FRMD5: variants seen among roughly 807,000 people sequenced by gnomAD.
FRMD5 encodes the protein FERM domain-containing protein 5.
A neutral mutation model predicts 69.0 loss-of-function variants in FRMD5; 20 were observed. That is an observed-to-expected ratio of 0.29 (90% CI 0.20 to 0.42). The LOEUF (loss-of-function observed/expected upper bound fraction) is 0.42. Among genes scored for constraint, FRMD5 ranks in the 10% least tolerant of loss-of-function variants. The pLI, the probability that FRMD5 is intolerant of heterozygous loss-of-function variation, is 1.00. For missense variants in FRMD5, 595 were observed against 708.6 expected, an observed-to-expected ratio of 0.84 and a Z score of 1.82; for synonymous variants, 271 against 260.1, an observed-to-expected ratio of 1.04 and a Z score of -0.40.
intron 1 of FRMD5, among the ~76,000 whole-genome samples, chr15:44,002,832 A>G (rs1489340949): frequency 6.6e-6 from 1 of 152,146 alleles, no homozygotes; most frequent in Non-Finnish European, 1.5e-5. Flanking sequence ...CTGGAGGCAG[A>G]AACTGGGCAT....
intron 1 of FRMD5, among the ~76,000 whole-genome samples, chr15:44,144,577 T>A (rs2077327174): frequency 6.6e-6 from 1 of 152,184 alleles, no homozygotes; most frequent in African/African-American, 2.4e-5. Flanking sequence ...ATACACAACT[T>A]CTCTTTCCAG....
chr15:44,154,452 T>C (rs937192685), intron 1 of FRMD5, among the ~76,000 whole-genome samples: 3 of 152,224 alleles, frequency 2.0e-5, no homozygotes, highest in African/African-American at 4.8e-5. Context: ...TACTTGGTTA[T>C]TGAGGGCACC....
At chr15:43,968,665 G>A (rs941640945) in intron 1 of FRMD5, among the ~76,000 whole-genome samples, 6 of 152,098 alleles carry the variant, frequency 3.9e-5, no homozygotes, top group African/African-American at 9.7e-5. Context: ...ATGTATGAAC[G>A]TGTATGGAAT....
intron 1 of FRMD5, among the ~76,000 whole-genome samples, chr15:44,056,437 G>T (rs1892872652): frequency 6.6e-6 from 1 of 152,152 alleles, no homozygotes; most frequent in Non-Finnish European, 1.5e-5. Flanking sequence ...AATTGACTGA[G>T]GAAATCTCTG....
chr15:44,163,733 G>A (rs2077660647), intron 1 of FRMD5, among the ~76,000 whole-genome samples: 1 of 152,184 alleles, frequency 6.6e-6, no homozygotes, highest in Non-Finnish European at 1.5e-5. Flanking sequence ...GGAATAAAGT[G>A]AACGTCTAAT....
In FRMD5 at chr15:44,155,721, G is replaced by A. The variant is rs973215021; in HGVS notation, c.102+39232C>T. On this transcript the variant is annotated intron_variant, in intron 1 of 13. Coordinates refer to ENST00000417257, the MANE Select transcript of FRMD5 (RefSeq NM_032892.5). Reference sequence around the variant, plus strand: ...CGATTCTCCTGCCTCAGCCTCCCGAGTAGCTGGGAATACAGGCACCCATCA... The same window carrying A: ...CGATTCTCCTGCCTCAGCCTCCCGAATAGCTGGGAATACAGGCACCCATCA... 3.3e-5 allele frequency among the ~76,000 whole-genome samples: 5 copies of A among 151,550 alleles called. No homozygotes were observed. The East Asian group carries it at 9.9e-4, about 30-fold the overall frequency.
intron 1 of FRMD5, among the ~76,000 whole-genome samples, chr15:44,029,333 A>AC (rs11409561): frequency 6.6e-6 from 1 of 151,162 alleles, no homozygotes; most frequent in East Asian, 1.9e-4. Context: ...AAAAAAAAAA[A>AC]CCAGAACCAC....
In FRMD5 at chr15:43,919,528, G is replaced by T; in HGVS notation, c.260C>A (p.Pro87Gln). 1 of 1,613,936 alleles carries T rather than the reference G, an allele frequency of 6.2e-7. No homozygotes were observed. Among genetic ancestry groups the T allele is most frequent in the Non-Finnish European group, 8.5e-7 (1 of 1,180,002 alleles). The change falls in exon 4 of 14, where the codon CCA becomes CAA. Residue 87 changes from proline to glutamine, a missense_variant. Pro to Gln is a moderately conservative substitution (Grantham distance 76, BLOSUM62 -1). Transcript: ENST00000417257. ...SVVKQLRSQP[P>Q]FTMCFRVKFY... Reference sequence around the variant, plus strand: ...CTTCACACGGAAGCACATGGTGAATGGAGGCTGGGCTGCAGAGAAAAAGAG... The same window carrying T: ...CTTCACACGGAAGCACATGGTGAATTGAGGCTGGGCTGCAGAGAAAAAGAG...
intron 1 of FRMD5, among the ~76,000 whole-genome samples, chr15:44,108,965 A>AAAAAT (rs3986153): frequency 0.18 from 24,497 of 136,752 alleles, 2,635 homozygotes; most frequent in South Asian, 0.31. Context: ...CTCTCTAAAT[A>AAAAAT]AAAATAAAAT....
At chr15:44,158,295 A>G (rs1253714029) in intron 1 of FRMD5, among the ~76,000 whole-genome samples, 4 of 152,144 alleles carry the variant, frequency 2.6e-5, no homozygotes, top group African/African-American at 9.7e-5. Flanking sequence ...TTCTAAAGAA[A>G]GGAGAAAAAA....
intron 13 of FRMD5, among the ~76,000 whole-genome samples, chr15:43,875,390 A>ATGTATG (rs1555465624): frequency 8.0e-6 from 1 of 124,818 alleles, no homozygotes; most frequent in African/African-American, 3.4e-5. Flanking sequence ...ATATATATAT[A>ATGTATG]TATGTATGTA....
intron 1 of FRMD5, among the ~76,000 whole-genome samples, chr15:44,096,860 C>A (rs2076561091): frequency 6.6e-6 from 1 of 152,154 alleles, no homozygotes; most frequent in Non-Finnish European, 1.5e-5. Flanking sequence ...AGGGGTACTA[C>A]TCACTGAAAA....
At chr15:44,083,082 T>C (rs994508532) in intron 1 of FRMD5, among the ~76,000 whole-genome samples, 3 of 152,008 alleles carry the variant, frequency 2.0e-5, no homozygotes, top group African/African-American at 7.2e-5. Context: ...TTTCTGATTA[T>C]ATGCCTTAAA....
At chr15:43,991,005 A>G (rs1321688703) in intron 1 of FRMD5, among the ~76,000 whole-genome samples, 1 of 152,226 alleles carries the variant, frequency 6.6e-6, no homozygotes, top group African/African-American at 2.4e-5. Flanking sequence ...ATCAGAACAG[A>G]TTTCAAAGAG....
At chr15:43,989,262 G>C (rs1444329562) in intron 1 of FRMD5, 1 of 790,930 alleles carries the variant, frequency 1.3e-6, no homozygotes, top group East Asian at 2.4e-5. Context: ...TATCGGCGAT[G>C]CCAGGGTACC....
intron 1 of FRMD5, among the ~76,000 whole-genome samples, chr15:44,187,999 C>T (rs1383399330): frequency 6.6e-6 from 1 of 152,188 alleles, no homozygotes; most frequent in Non-Finnish European, 1.5e-5. Flanking sequence ...ATCCCCTTGT[C>T]TTAGCTCCAA....
chr15:44,122,399 C>A (rs575920224), intron 1 of FRMD5, among the ~76,000 whole-genome samples: 7 of 151,620 alleles, frequency 4.6e-5, no homozygotes, highest in African/African-American at 1.5e-4. Flanking sequence ...CTTGTCTCTA[C>A]GAAAAATACA....
intron 1 of FRMD5, among the ~76,000 whole-genome samples, chr15:44,168,033 G>A (rs951099750): frequency 6.6e-6 from 1 of 152,148 alleles, no homozygotes; most frequent in African/African-American, 2.4e-5. Context: ...TTCAAATTAG[G>A]TAAAGTGAGT....
chr15:43,944,497 C>T (rs1485551518), intron 1 of FRMD5, among the ~76,000 whole-genome samples: 1 of 152,226 alleles, frequency 6.6e-6, no homozygotes, highest in Non-Finnish European at 1.5e-5. Flanking sequence ...TCTCTGCTCA[C>T]TGCAACCTCC....
Sources: allele counts gnomAD v4.1 joint callset (sites outside exome capture counted in the v4.1 genomes callset), GRCh38; gene constraint gnomAD v4.1.1; transcripts MANE v1.5; gene names NCBI Gene and HGNC (gene_info 2026-07-23, HGNC 2026-07-21).